GPC6: variants seen among roughly 807,000 people sequenced by gnomAD.
GPC6 encodes glypican 6.
In GPC6, 14 loss-of-function variants were observed where a neutral mutation model predicts 55.2. That is an observed-to-expected ratio of 0.25 (90% CI 0.17 to 0.40). The LOEUF (loss-of-function observed/expected upper bound fraction) is 0.40. Ranked by LOEUF, GPC6 falls within the 10% of genes least tolerant of loss-of-function variation. GPC6 has a pLI of 1.00. For synonymous variants in GPC6, 278 were observed against 259.6 expected, an observed-to-expected ratio of 1.07 and a Z score of -0.68; for missense variants, 641 against 708.5, an observed-to-expected ratio of 0.90 and a Z score of 1.08.
At chr13:94,045,453 T>C (rs186852382) in intron 4 of GPC6, among the ~76,000 whole-genome samples, 3 of 152,106 alleles carry the variant, frequency 2.0e-5, no homozygotes, top group Admixed American at 6.6e-5. Context: ...TTTGCAGACA[T>C]TCTTCCTCTT....
intron 1 of GPC6, among the ~76,000 whole-genome samples, chr13:93,256,817 A>T (rs952109920): frequency 5.3e-5 from 8 of 152,210 alleles, no homozygotes; most frequent in Admixed American, 2.0e-4. Context: ...GAGAATACAA[A>T]GTATGAGGTG....
intron 3 of GPC6, among the ~76,000 whole-genome samples, chr13:93,959,796 C>T (rs1879683314): frequency 6.6e-6 from 1 of 152,126 alleles, no homozygotes; most frequent in South Asian, 2.1e-4. Context: ...CACAATAACC[C>T]TATGATCCAG....
intron 1 of GPC6, among the ~76,000 whole-genome samples, chr13:93,390,816 T>C (rs1308896355): frequency 4.6e-5 from 7 of 151,944 alleles, no homozygotes; most frequent in South Asian, 2.1e-4. Context: ...AAAAAAAATC[T>C]TGGGGACATT....
At chr13:93,482,898 G>A (rs988838987) in intron 1 of GPC6, among the ~76,000 whole-genome samples, 8 of 152,028 alleles carry the variant, frequency 5.3e-5, no homozygotes, top group East Asian at 3.9e-4. Context: ...TCTTTGTTAC[G>A]TGCATTTTTG....
At chr13:93,912,306 A>T (rs2140336864) in intron 3 of GPC6, among the ~76,000 whole-genome samples, 1 of 151,958 alleles carries the variant, frequency 6.6e-6, no homozygotes, top group East Asian at 1.9e-4. Context: ...AGCTCTAAAT[A>T]CTCTCATGAT....
At chr13:93,366,006 G>A (rs1344420122) in intron 1 of GPC6, among the ~76,000 whole-genome samples, 2 of 151,976 alleles carry the variant, frequency 1.3e-5, no homozygotes, top group Non-Finnish European at 2.9e-5. Context: ...TTTTACTAAG[G>A]TTTGGTAACA....
At chr13:93,940,263 G>A (rs1457421717) in intron 3 of GPC6, among the ~76,000 whole-genome samples, 9 of 152,032 alleles carry the variant, frequency 5.9e-5, no homozygotes, top group Admixed American at 2.0e-4. Flanking sequence ...ATGAAAATTA[G>A]GGCTATTAAG....
chr13:94,055,871 A>T lies in GPC6; in HGVS notation c.877+27977A>T, dbSNP rs540348031. 1.4e-4 allele frequency among the ~76,000 whole-genome samples: 22 copies of T among 152,182 alleles called. No homozygotes were observed. The South Asian group carries it at 4.0e-3, about 27-fold the overall frequency. On this transcript the variant is annotated intron_variant, in intron 4 of 8. Coordinates refer to ENST00000377047, the MANE Select transcript of GPC6 (RefSeq NM_005708.5). ...TTGAGAATATGGCGGGTGTCCCTGG[A>T]TGTTTTGAAACCCACTGATGAGGTT...
intron 1 of GPC6, among the ~76,000 whole-genome samples, chr13:93,372,231 G>A (rs1282678633): frequency 6.6e-6 from 1 of 151,254 alleles, no homozygotes; most frequent in Admixed American, 6.6e-5. Flanking sequence ...AAAAAGATTT[G>A]TAGTAACAAG....
chr13:93,878,772 G>A lies in GPC6; in HGVS notation c.711+48227G>A, dbSNP rs926286167. 4.2e-4 allele frequency among the ~76,000 whole-genome samples: 64 copies of A among 152,104 alleles called. 1 individual carries two copies. Among genetic ancestry groups the A allele is most frequent in the African/African-American group, 1.5e-3 (63 of 41,500 alleles). On this transcript the variant is annotated intron_variant, in intron 3 of 8. Transcript: ENST00000377047. ...GCCCTCACCAGACACTGAACCTGCT[G>A]GTATTTTGAACTTGGACTACCCAGC...
chr13:94,313,785 A>G (rs988352054), intron 6 of GPC6, among the ~76,000 whole-genome samples: 1 of 152,252 alleles, frequency 6.6e-6, no homozygotes, highest in Admixed American at 6.5e-5. Context: ...CTTTATCCTC[A>G]GAAACACTTA....
chr13:93,493,597 TC>T (rs1880124724), intron 1 of GPC6, among the ~76,000 whole-genome samples: 1 of 137,206 alleles, frequency 7.3e-6, no homozygotes, highest in Non-Finnish European at 1.6e-5. Flanking sequence ...CTCTTCTAGT[TC>T]TTTTAATTGT....
At chr13:93,535,608 C>T (rs754545906) in intron 1 of GPC6, among the ~76,000 whole-genome samples, 7 of 151,576 alleles carry the variant, frequency 4.6e-5, no homozygotes, top group Non-Finnish European at 8.8e-5. Context: ...TATGTTTTCC[C>T]CAACCATGGC....
chr13:94,380,702 T>C lies in GPC6; in HGVS notation c.1153-1712T>C, dbSNP rs560267072. Among the ~76,000 whole-genome samples the C allele has an allele frequency of 7.2e-5, 11 of 152,324 alleles. No homozygotes were observed. In the East Asian group the frequency reaches 1.7e-3, roughly 24 times the overall value. ...TGTGTTACCACAGTATGATTTTATGTCCAGGAAATTTAACACTACATAATA... is the reference window on the plus strand; with the variant it reads ...TGTGTTACCACAGTATGATTTTATGCCCAGGAAATTTAACACTACATAATA... On this transcript the variant is annotated intron_variant, in intron 6 of 8. Transcript: ENST00000377047.
rs1375849175 is a variant in GPC6, at chr13:94,238,488, G to GGT, written c.878-47860_878-47859insTG. Among the ~76,000 whole-genome samples, 21 of 152,242 alleles carry GGT rather than the reference G, an allele frequency of 1.4e-4. No individual in the cohort carries two copies. In the East Asian group the frequency reaches 4.1e-3, roughly 30 times the overall value. On this transcript the variant is annotated intron_variant, in intron 4 of 8. Transcript: ENST00000377047. Reference sequence around the variant, plus strand: ...GTCTTATTAGATAGAAGGGCACAGTGGGCTTTCACCACGAGGACTAAGGGA... The same window carrying GGT: ...GTCTTATTAGATAGAAGGGCACAGTGGTGGCTTTCACCACGAGGACTAAGGGA...
At chr13:94,119,128 A>G (rs542644042) in intron 4 of GPC6, among the ~76,000 whole-genome samples, 39 of 152,028 alleles carry the variant, frequency 2.6e-4, no homozygotes, top group Non-Finnish European at 4.4e-4. Flanking sequence ...ATCCTCATAT[A>G]TTCACTCATT....
intron 2 of GPC6, among the ~76,000 whole-genome samples, chr13:93,605,934 C>T (rs900353554): frequency 2.0e-5 from 3 of 149,026 alleles, no homozygotes; most frequent in African/African-American, 7.4e-5. Context: ...TTTGCTATTT[C>T]AATTTTTTGA....
intron 2 of GPC6, among the ~76,000 whole-genome samples, chr13:93,655,176 T>C (rs1207818960): frequency 1.3e-5 from 2 of 152,104 alleles, no homozygotes; most frequent in African/African-American, 4.8e-5. Flanking sequence ...TCAGTCATTG[T>C]GACTTAGAAA....
chr13:93,362,020 G>T (rs907734293), intron 1 of GPC6, among the ~76,000 whole-genome samples: 1 of 152,186 alleles, frequency 6.6e-6, no homozygotes, highest in African/African-American at 2.4e-5. Flanking sequence ...TTAGTTGAAG[G>T]AGAACTGTGT....
Sources: gnomAD v4.1 joint callset for allele counts (sites outside exome capture counted in the v4.1 genomes callset) on GRCh38, gnomAD v4.1.1 for gene constraint, MANE v1.5 for transcripts, NCBI Gene and HGNC (gene_info 2026-07-23, HGNC 2026-07-21) for gene names.